The following NEK1 variants were observed in gnomAD, a reference collection of about 807,000 sequenced individuals.
NEK1 encodes the protein NIMA related kinase 1.
NEK1 carries 137 observed loss-of-function variants against 182.1 expected under a neutral mutation model. The ratio of observed to expected loss-of-function variants is 0.75; its 90% CI spans 0.65 to 0.87. NEK1 has a LOEUF of 0.87. NEK1 is among the 40% of genes least tolerant of loss of function. The probability of loss-of-function intolerance (pLI) is 0.00; values close to 1 mark genes in which losing one functional copy is unlikely to be tolerated. For missense variants in NEK1, 1,391 were observed against 1,494.4 expected (o/e 0.93, Z 1.14); for synonymous variants, 513 against 492.2 (o/e 1.04, Z -0.56).
At chr4:169,430,475 G>A (rs566140157) in intron 29 of NEK1, among the ~76,000 whole-genome samples, 7 of 152,230 alleles carry the variant, frequency 4.6e-5, no homozygotes, top group African/African-American at 1.4e-4. Flanking sequence ...GTAAGCCACT[G>A]GGCACATACT....
chr4:169,457,340 A>G (rs2149485235), intron 27 of NEK1, among the ~76,000 whole-genome samples: 1 of 152,190 alleles, frequency 6.6e-6, no homozygotes. Context: ...ATATACACCT[A>G]CTATGTACCC....
chr4:169,546,482 T>C (rs537696435), intron 18 of NEK1, among the ~76,000 whole-genome samples: 67 of 152,312 alleles, frequency 4.4e-4, no homozygotes, highest in African/African-American at 1.4e-3. Context: ...GAGAGTTCTG[T>C]AGATGTCTAT....
chr4:169,401,615 C>A, intron 33 of NEK1, 37 bp downstream of exon 33: 1 of 1,575,328 alleles, frequency 6.3e-7, no homozygotes, highest in African/African-American at 1.3e-5. Context: ...TATTTGTAAA[C>A]TGAAAAAGAA....
chr4:169,568,996 A>G (rs2149988466), intron 12 of NEK1, among the ~76,000 whole-genome samples: 1 of 152,166 alleles, frequency 6.6e-6, no homozygotes, highest in East Asian at 1.9e-4. Context: ...AAAATTTAGT[A>G]AAATTAAATG....
At chr4:169,465,644 G>T (rs1478841545) in intron 26 of NEK1, among the ~76,000 whole-genome samples, 1 of 152,114 alleles carries the variant, frequency 6.6e-6, no homozygotes, top group Non-Finnish European at 1.5e-5. Flanking sequence ...GCCAGAAAGA[G>T]TTCCTATTCC....
chr4:169,405,183 A>C (rs1253330818), intron 32 of NEK1, among the ~76,000 whole-genome samples: 1 of 152,202 alleles, frequency 6.6e-6, no homozygotes, highest in Non-Finnish European at 1.5e-5. Flanking sequence ...AACATCATAG[A>C]ATGTGCTTAC....
intron 16 of NEK1, among the ~76,000 whole-genome samples, chr4:169,559,031 T>C (rs914769185): frequency 8.5e-5 from 13 of 152,166 alleles, no homozygotes; most frequent in South Asian, 4.1e-4. Flanking sequence ...TAACATAGAA[T>C]TTCCTTTAAA....
chr4:169,542,835 T>C (rs1173134077), intron 18 of NEK1, among the ~76,000 whole-genome samples: 1 of 152,114 alleles, frequency 6.6e-6, no homozygotes, highest in Admixed American at 6.6e-5. Flanking sequence ...TGCCCGCTTA[T>C]TGATGGGGTT....
At chr4:169,516,341 G>C (rs1215179901) in intron 19 of NEK1, among the ~76,000 whole-genome samples, 2 of 130,760 alleles carry the variant, frequency 1.5e-5, no homozygotes, top group Admixed American at 1.4e-4. Context: ...CCCAGTTTTT[G>C]ATGGGGTTGT....
In NEK1 at chr4:169,589,139, T is replaced by C. The variant is rs182563470; in HGVS notation, c.464+308A>G. 1.8e-3 allele frequency among the ~76,000 whole-genome samples: 268 copies of C among 152,336 alleles called. 1 individual carries two copies. The highest frequency in any genetic ancestry group is 3.4e-3 in the Middle Eastern group (1 of 294). On this transcript the variant is annotated intron_variant, in intron 7 of 35. Transcript: ENST00000507142. ...ATGTTTAAACAAATATATACCATTG[T>C]GTTACAATTTCTTACAGTATTCAGT...
Position 169,440,248 on chromosome 4 carries a change from A to C in NEK1, c.2588-1989T>G, listed in dbSNP as rs1442187409. On this transcript the variant is annotated intron_variant, in intron 27 of 35. Coordinates refer to ENST00000507142, the MANE Select transcript of NEK1 (RefSeq NM_001199397.3). The stretch of plus-strand genomic sequence containing the variant: ...GCAATTTTCAAAGCAGCAAATCAAA[A>C]TAGTCAATAGAATGCAACATAATGA... 2.0e-5 allele frequency among the ~76,000 whole-genome samples: 3 copies of C among 152,088 alleles called. No individual in the cohort carries two copies. In the East Asian group the frequency reaches 5.8e-4, roughly 29 times the overall value.
chr4:169,406,614 G>A lies in NEK1; in HGVS notation c.3356C>T (p.Pro1119Leu). 1.9e-6 allele frequency: 3 copies of A among 1,600,708 alleles called. No homozygotes were observed. The highest frequency in any genetic ancestry group is 2.6e-6 in the Non-Finnish European group (3 of 1,174,080). ...EIEDENIKEG[P>L]SDSEDIVFEE... ...TACTTACATGTCTTCAGAATCAGAA[G>A]GTCCTTCTTTAATGTTTTCATCTTC... Residue 1119 changes from proline to leucine, a missense_variant, in exon 32 of 36, where the codon CCT becomes CTT. By Grantham distance (98) the Pro-to-Leu change is moderately conservative. Transcript: ENST00000507142.
Position 169,477,607 on chromosome 4 carries a change from A to C in NEK1, c.2140-110T>G, listed in dbSNP as rs1580016973. On this transcript the variant is annotated intron_variant, in intron 24 of 35. Coordinates refer to ENST00000507142, the MANE Select transcript of NEK1 (RefSeq NM_001199397.3). ...TGGTTTTCATTAATTTGTTCCTTGT[A>C]AATTTTTTATTCCTATAAAATGTTA... is the stretch of plus-strand genomic sequence containing the variant. The C allele has an allele frequency of 3.9e-6, 3 of 762,422 alleles. No homozygotes were observed. The East Asian group carries it at 8.4e-5, about 21-fold the overall frequency. 47.2% of individuals were successfully genotyped at this position (762,422 alleles called of 1,614,324 possible).
chr4:169,405,883 C>T (rs1026508964), intron 32 of NEK1, among the ~76,000 whole-genome samples: 3 of 152,190 alleles, frequency 2.0e-5, no homozygotes, highest in African/African-American at 4.8e-5. Context: ...GTGGGCAGAT[C>T]GCTTGAGGTC....
intron 24 of NEK1, among the ~76,000 whole-genome samples, chr4:169,479,013 AT>A (rs1747489222): frequency 6.6e-6 from 1 of 152,172 alleles, no homozygotes; most frequent in Non-Finnish European, 1.5e-5. Context: ...AAATGTAAAT[AT>A]GTGTTGGACC....
At chr4:169,569,854 C>G (rs1204674635) in intron 12 of NEK1, among the ~76,000 whole-genome samples, 3 of 152,192 alleles carry the variant, frequency 2.0e-5, no homozygotes, top group Non-Finnish European at 4.4e-5. Flanking sequence ...ACCTCCACCT[C>G]CCAGCCGCCT....
intron 19 of NEK1, among the ~76,000 whole-genome samples, chr4:169,536,296 CAAAA>C (rs386402227): frequency 1.1e-5 from 1 of 90,380 alleles, no homozygotes; most frequent in Non-Finnish European, 2.5e-5. Context: ...GAGTTTGTCT[CAAAA>C]AAAAAAAAAA....
intron 19 of NEK1, among the ~76,000 whole-genome samples, chr4:169,535,880 C>CAAAAAA (rs58257441): frequency 7.1e-5 from 6 of 84,996 alleles, no homozygotes; most frequent in African/African-American, 2.5e-4. Flanking sequence ...AACTCCGTGT[C>CAAAAAA]AAAAAAAAAA....
At chr4:169,413,782 C>T (rs1459130074) in intron 31 of NEK1, among the ~76,000 whole-genome samples, 3 of 152,104 alleles carry the variant, frequency 2.0e-5, no homozygotes, top group Admixed American at 6.5e-5. Context: ...TTTGGGAAGC[C>T]GAGGTGGGCA....
Sources: allele counts gnomAD v4.1 joint callset (sites outside exome capture counted in the v4.1 genomes callset), GRCh38; gene constraint gnomAD v4.1.1; transcripts MANE v1.5; gene names NCBI Gene and HGNC (gene_info 2026-07-23, HGNC 2026-07-21).